MARCHF3: variants seen among roughly 807,000 people sequenced by gnomAD.
The protein encoded by MARCHF3 is E3 ubiquitin-protein ligase MARCHF3.
MARCHF3 carries 13 observed loss-of-function variants against 24.2 expected under a neutral mutation model. The ratio of observed to expected loss-of-function variants is 0.54; its 90% CI spans 0.35 to 0.85. MARCHF3 has a LOEUF of 0.85. Ranked by LOEUF, MARCHF3 falls within the 40% of genes least tolerant of loss-of-function variation. MARCHF3 has a pLI of 0.01. For missense variants in MARCHF3, 276 were observed against 325.0 expected (o/e 0.85, Z 1.16); for synonymous variants, 144 against 137.3 (o/e 1.05, Z -0.34).
intron 3 of MARCHF3, among the ~76,000 whole-genome samples, chr5:126,909,388 C>T (rs766616178): frequency 6.5e-4 from 99 of 152,222 alleles, no homozygotes; most frequent in Non-Finnish European, 1.3e-3. Flanking sequence ...CCTAATCAAG[C>T]CTGGGCAATG....
At chr5:126,937,826 C>T (rs1025056188) in intron 1 of MARCHF3, among the ~76,000 whole-genome samples, 3 of 152,000 alleles carry the variant, frequency 2.0e-5, no homozygotes, top group Admixed American at 1.3e-4. Context: ...CTTTCTTCCC[C>T]CAAGATTAGA....
intron 1 of MARCHF3, among the ~76,000 whole-genome samples, chr5:126,932,758 G>C (rs1029976958): frequency 1.3e-5 from 2 of 152,144 alleles, no homozygotes; most frequent in Non-Finnish European, 2.9e-5. Flanking sequence ...AGCTAGGTGG[G>C]CCACTATAGC....
chr5:126,910,852 C>G (rs1208048834), intron 3 of MARCHF3, among the ~76,000 whole-genome samples: 3 of 152,192 alleles, frequency 2.0e-5, no homozygotes, highest in Non-Finnish European at 1.5e-5. Flanking sequence ...CAGAACAGAG[C>G]CATATTTCTC....
chr5:126,992,262 T>C (rs10060747), intron 1 of MARCHF3, among the ~76,000 whole-genome samples: 84,267 of 151,982 alleles, frequency 0.55, 24,163 homozygotes, highest in East Asian at 0.79. Flanking sequence ...GTCTTTATCA[T>C]TCTGTCCAAA....
At position 126,870,700 on chromosome 5, in the gene MARCHF3, G is replaced by GGTAC; in HGVS notation, c.691_694dup (p.Pro232ArgfsTer4). On this transcript the variant is annotated frameshift_variant, in exon 5 of 5. Transcript: ENST00000308660. LOFTEE classifies it high-confidence loss of function. ...GCCCAGCAAGGACGGCTGGTTAGAAGGTACATTGACAGACTTTGGAATGAG... is the reference window on the plus strand; with the variant it reads ...GCCCAGCAAGGACGGCTGGTTAGAAGGTACGTACATTGACAGACTTTGGAATGAG... 6.2e-7 allele frequency: 1 copy of GGTAC among 1,614,164 alleles called. No individual in the cohort carries two copies. Among genetic ancestry groups the GGTAC allele is most frequent in the African/African-American group, 1.3e-5 (1 of 75,034 alleles).
At position 126,870,556 on chromosome 5, in the gene MARCHF3, C is replaced by T. The variant is rs755183246; in HGVS notation, c.*77G>A. The T allele has an allele frequency of 2.7e-5, 37 of 1,376,220 alleles. No individual in the cohort carries two copies. The highest frequency in any genetic ancestry group is 3.5e-5 in the Non-Finnish European group (34 of 978,986). 85.3% of individuals were successfully genotyped at this position (1,376,220 alleles called of 1,614,324 possible). A position where few individuals can be genotyped will look rare whatever the true frequency, so the allele number is the denominator to read the frequency against. On this transcript the variant is annotated 3_prime_UTR_variant, in exon 5 of 5. Coordinates refer to ENST00000308660, the MANE Select transcript of MARCHF3 (RefSeq NM_178450.5). The stretch of plus-strand genomic sequence containing the variant: ...CAGGCTTAAGGAAGGGCTTGGGGGT[C>T]GCTCAGTGCATGACCCCAGTGCAGA...
intron 3 of MARCHF3, among the ~76,000 whole-genome samples, chr5:126,880,115 G>A (rs941093520): frequency 3.9e-5 from 6 of 152,118 alleles, no homozygotes; most frequent in Admixed American, 3.3e-4. Context: ...CGGCAAAGAG[G>A]GAAAGAAGTT....
intron 1 of MARCHF3, among the ~76,000 whole-genome samples, chr5:126,996,943 T>C (rs1347187968): frequency 6.6e-6 from 1 of 152,182 alleles, no homozygotes; most frequent in Admixed American, 6.5e-5. Context: ...GCATACAAAC[T>C]GTTAACATTT....
At chr5:126,944,864 A>G (rs1310499233) in intron 1 of MARCHF3, among the ~76,000 whole-genome samples, 1 of 152,184 alleles carries the variant, frequency 6.6e-6, no homozygotes, top group African/African-American at 2.4e-5. Context: ...ATATCTTGTG[A>G]GGAATAAGTA....
intron 3 of MARCHF3, among the ~76,000 whole-genome samples, chr5:126,890,248 A>C (rs1207739968): frequency 6.6e-6 from 1 of 152,016 alleles, no homozygotes; most frequent in Admixed American, 6.6e-5. Flanking sequence ...TTGTCTTCAG[A>C]AAAGACATAC....
At chr5:127,005,390 A>C (rs113310227) in intron 1 of MARCHF3, among the ~76,000 whole-genome samples, 7,837 of 151,664 alleles carry the variant, frequency 0.052, 385 homozygotes, top group South Asian at 0.14. Context: ...CCCGCCTTGA[A>C]CTCCCAAAGT....
At chr5:126,987,869 C>A (rs1580710029) in intron 1 of MARCHF3, among the ~76,000 whole-genome samples, 1 of 152,102 alleles carries the variant, frequency 6.6e-6, no homozygotes. Context: ...CACTAGAAAC[C>A]CATGATTTTA....
intron 1 of MARCHF3, among the ~76,000 whole-genome samples, chr5:126,972,542 C>A (rs866991809): frequency 6.6e-6 from 1 of 152,122 alleles, no homozygotes; most frequent in Admixed American, 6.6e-5. Context: ...CTCACCCAGG[C>A]CTCGGGTGTG....
intron 1 of MARCHF3, among the ~76,000 whole-genome samples, chr5:126,946,620 C>T (rs1750019678): frequency 6.6e-6 from 1 of 152,048 alleles, no homozygotes; most frequent in Non-Finnish European, 1.5e-5. Context: ...GGCAGTTAGT[C>T]CTTTGGGTTT....
intron 3 of MARCHF3, among the ~76,000 whole-genome samples, chr5:126,910,826 C>T (rs1208329695): frequency 6.6e-6 from 1 of 152,232 alleles, no homozygotes; most frequent in African/African-American, 2.4e-5. Flanking sequence ...TAAACTCTGA[C>T]TGCTGGTGAG....
At chr5:127,015,107 T>C (rs1344650955) in intron 1 of MARCHF3, among the ~76,000 whole-genome samples, 1 of 152,232 alleles carries the variant, frequency 6.6e-6, no homozygotes, top group Non-Finnish European at 1.5e-5. Flanking sequence ...AATTATTATA[T>C]GTCAGTTAAA....
At chr5:126,907,523 A>C (rs1460811566) in intron 3 of MARCHF3, among the ~76,000 whole-genome samples, 2 of 152,044 alleles carry the variant, frequency 1.3e-5, no homozygotes, top group Non-Finnish European at 2.9e-5. Flanking sequence ...GCATATATAT[A>C]TTTAGGATAG....
intron 1 of MARCHF3, among the ~76,000 whole-genome samples, chr5:127,013,322 TA>T (rs1354551151): frequency 6.6e-6 from 1 of 152,048 alleles, no homozygotes; most frequent in Admixed American, 6.6e-5. Flanking sequence ...AGAACAACAA[TA>T]AAATTAAAAG....
In MARCHF3 at chr5:126,918,027, C is replaced by G; in HGVS notation, c.145G>C (p.Gly49Arg). 6.2e-7 allele frequency: 1 copy of G among 1,614,080 alleles called. No homozygotes were observed. The highest frequency in any genetic ancestry group is 8.5e-7 in the Non-Finnish European group (1 of 1,180,020). Residue 49 changes from glycine to arginine, a missense_variant, in exon 2 of 5, where the codon GGG becomes CGG. Gly to Arg is a moderately radical substitution (Grantham distance 125, BLOSUM62 -2). Transcript: ENST00000308660. ...QYVMQVSAKD[G>R]QLLSTVVRTL... The stretch of plus-strand genomic sequence containing the variant: ...CGCACTACTGTTGACAGCAGCTGCC[C>G]GTCCTTGGCTGAAACTTGCATGACA...
Sources: gnomAD v4.1 joint callset for allele counts (sites outside exome capture counted in the v4.1 genomes callset) on GRCh38, gnomAD v4.1.1 for gene constraint, MANE v1.5 for transcripts, NCBI Gene and HGNC (gene_info 2026-07-23, HGNC 2026-07-21) for gene names.